The following SLC25A24 variants were observed in gnomAD, a reference collection of about 807,000 sequenced individuals.
SLC25A24 encodes the protein mitochondrial adenyl nucleotide antiporter SLC25A24.
A neutral mutation model predicts 60.7 loss-of-function variants in SLC25A24; 49 were observed. That is an observed-to-expected ratio of 0.81 (90% confidence interval 0.64 to 1.02). SLC25A24 has a LOEUF of 1.02. Ranked by LOEUF, SLC25A24 falls within the 50% of genes least tolerant of loss-of-function variation. SLC25A24 has a pLI of 0.00. For synonymous variants in SLC25A24, 202 were observed against 200.6 expected, an observed-to-expected ratio of 1.01 and a Z score of -0.06; for missense variants, 564 against 586.3, an observed-to-expected ratio of 0.96 and a Z score of 0.39.
At chr1:108,182,858 T>C (rs1647978993) in intron 2 of SLC25A24, among the ~76,000 whole-genome samples, 1 of 151,290 alleles carries the variant, frequency 6.6e-6, no homozygotes, top group East Asian at 1.9e-4. Context: ...AAAATAAAAA[T>C]CTGGCAGTAA....
chr1:108,199,504 A>T, intron 1 of SLC25A24: 1 of 203,060 alleles, frequency 4.9e-6, no homozygotes, highest in East Asian at 1.2e-4. Flanking sequence ...CAGTTTTCAA[A>T]CAGTAGACAA....
Position 108,135,846 on chromosome 1 carries a change from G to C in SLC25A24, c.*807C>G, listed in dbSNP as rs1248292782. 6.6e-6 allele frequency: 1 copy of C among 152,558 alleles called. No individual in the cohort carries two copies. Among genetic ancestry groups the C allele is most frequent in the African/African-American group, 2.4e-5 (1 of 41,444 alleles). The allele number at this position is 152,558 out of a possible 1,614,324, so 9.5% of individuals were successfully genotyped here. A position where few individuals can be genotyped will look rare whatever the true frequency, so the allele number is the denominator to read the frequency against. ...AAAACGGAATCTGATTCAAAAGGTA[G>C]GAAACAAAGGACAAAGGAAAACAAA... On this transcript the variant is annotated 3_prime_UTR_variant, in exon 10 of 10. Coordinates refer to ENST00000565488, the MANE Select transcript of SLC25A24 (RefSeq NM_013386.5).
In SLC25A24 at chr1:108,155,059, G is replaced by C. The variant is rs756120780; in HGVS notation, c.746C>G (p.Ser249Trp). 6 of 1,612,540 alleles carry C rather than the reference G, an allele frequency of 3.7e-6. No homozygotes were observed. The highest frequency in any genetic ancestry group is 5.1e-6 in the Non-Finnish European group (6 of 1,179,148). ...RQMVKEGGIR[S>W]LWRGNGTNVI... is the part of the protein sequence containing the mutation. The stretch of plus-strand genomic sequence containing the variant: ...GTTTGTACCATTTCCCCTCCAAAGC[G>C]AGCGGATACCTCCTTCTTTTACCAT... Residue 249 changes from serine (S) to tryptophan (W), a missense_variant, in exon 6 of 10, where the codon TCG becomes TGG. By Grantham distance (177) the Ser-to-Trp change is radical. Transcript: ENST00000565488.
chr1:108,194,803 T>C (rs606640), intron 1 of SLC25A24, among the ~76,000 whole-genome samples: 37,039 of 152,130 alleles, frequency 0.24, 5,009 homozygotes, highest in African/African-American at 0.33. Context: ...ATTAAATGAA[T>C]GAATTTACTA....
At chr1:108,168,371 C>T (rs1016697837) in intron 3 of SLC25A24, among the ~76,000 whole-genome samples, 2 of 152,076 alleles carry the variant, frequency 1.3e-5, no homozygotes, top group African/African-American at 4.8e-5. Context: ...ACCCCACCAC[C>T]CAACTCCCCA....
Position 108,189,866 on chromosome 1 carries a change from A to T in SLC25A24, c.184-3912T>A, listed in dbSNP as rs556052091. On this transcript the variant is annotated intron_variant, in intron 1 of 9. Transcript: ENST00000565488. Reference sequence around the variant, plus strand: ...ATTAAAGATAAAGTAAAAAAAAATTAAAAAATATATATATATATGTATATA... The same window carrying T: ...ATTAAAGATAAAGTAAAAAAAAATTTAAAAATATATATATATATGTATATA... 1.6e-3 allele frequency among the ~76,000 whole-genome samples: 133 copies of T among 82,096 alleles called. 1 individual carries two copies. The highest frequency in any genetic ancestry group is 8.6e-3 in the African/African-American group (118 of 13,738). 53.9% of individuals were successfully genotyped at this position (82,096 alleles called of 152,430 possible).
chr1:108,151,573 G>A (rs1406616154), intron 6 of SLC25A24, among the ~76,000 whole-genome samples: 1 of 152,066 alleles, frequency 6.6e-6, no homozygotes, highest in Non-Finnish European at 1.5e-5. Context: ...CATCCCTCGA[G>A]CTATTTCTTC....
chr1:108,138,935 G>A (rs1433265241), intron 9 of SLC25A24, 123 bp downstream of exon 9: 1 of 1,006,802 alleles, frequency 9.9e-7, no homozygotes, highest in African/African-American at 1.6e-5. Flanking sequence ...AGGCAATAAT[G>A]AAAAAAAGGT....
chr1:108,195,625 C>T (rs1648471239), intron 1 of SLC25A24, among the ~76,000 whole-genome samples: 1 of 152,070 alleles, frequency 6.6e-6, no homozygotes, highest in African/African-American at 2.4e-5. Flanking sequence ...TGTTGTGATG[C>T]CCTAAAATTC....
intron 6 of SLC25A24, among the ~76,000 whole-genome samples, chr1:108,154,683 T>C (rs1304093477): frequency 1.3e-5 from 2 of 152,224 alleles, no homozygotes; most frequent in South Asian, 2.1e-4. Context: ...CTTATGTTAG[T>C]GTGCTGCTTC....
intron 3 of SLC25A24, among the ~76,000 whole-genome samples, chr1:108,165,545 T>C (rs545948942): frequency 1.3e-4 from 20 of 152,324 alleles, no homozygotes; most frequent in African/African-American, 4.3e-4. Context: ...TACCATTATG[T>C]AATGGCCTTC....
chr1:108,185,848 C>A lies in SLC25A24; in HGVS notation c.290G>T (p.Ser97Ile), dbSNP rs1392041479. The A allele has an allele frequency of 1.3e-6, 2 of 1,588,944 alleles. No homozygotes were observed. The highest frequency in any genetic ancestry group is 2.3e-5 in the East Asian group (1 of 44,386). ...CACACCATCATTATTTTTGTCTAAA[C>A]TCTTAAATGCCAATTTCATTTTCTT... ...HEKKMKLAFKSLDKNNDGKIE... is the reference protein window; with the variant it reads ...HEKKMKLAFKILDKNNDGKIE... Residue 97 changes from serine to isoleucine, a missense_variant, in exon 2 of 10, where the codon AGT becomes ATT. Physicochemically the swap from Ser to Ile is moderately radical, Grantham distance 142. Coordinates refer to ENST00000565488, the MANE Select transcript of SLC25A24 (RefSeq NM_013386.5).
intron 8 of SLC25A24, among the ~76,000 whole-genome samples, chr1:108,142,356 T>C (rs1679465573): frequency 6.6e-6 from 1 of 152,160 alleles, no homozygotes; most frequent in Non-Finnish European, 1.5e-5. Flanking sequence ...GTTGGAAAAG[T>C]AGAAATAATC....
chr1:108,163,993 T>C (rs1016704924), intron 3 of SLC25A24, among the ~76,000 whole-genome samples: 7 of 152,256 alleles, frequency 4.6e-5, no homozygotes, highest in Admixed American at 1.3e-4. Flanking sequence ...TGAAAGTTTT[T>C]AGCATGAAGT....
intron 1 of SLC25A24, among the ~76,000 whole-genome samples, chr1:108,196,697 G>T (rs1446235238): frequency 3.3e-5 from 5 of 152,170 alleles, no homozygotes; most frequent in African/African-American, 1.2e-4. Flanking sequence ...CCACTTTCCG[G>T]TTCCATGGAC....
At chr1:108,193,718 GTTT>G (rs1200463155) in intron 1 of SLC25A24, among the ~76,000 whole-genome samples, 1 of 140,090 alleles carries the variant, frequency 7.1e-6, no homozygotes, top group African/African-American at 2.5e-5. Flanking sequence ...TCCCCTCACA[GTTT>G]TTTATCTTTT....
intron 1 of SLC25A24, chr1:108,199,633 T>C (rs184150381): frequency 5.5e-4 from 272 of 495,384 alleles, no homozygotes; most frequent in Admixed American, 1.9e-3. Flanking sequence ...TGCAAGGTAT[T>C]AAAACAGAAA....
intron 6 of SLC25A24, among the ~76,000 whole-genome samples, chr1:108,153,175 C>T (rs1013971419): frequency 1.3e-5 from 2 of 152,166 alleles, no homozygotes; most frequent in African/African-American, 4.8e-5. Flanking sequence ...CACTACCCCA[C>T]ACTATTACAC....
intron 7 of SLC25A24, among the ~76,000 whole-genome samples, chr1:108,145,225 A>C (rs1679553034): frequency 6.6e-6 from 1 of 152,168 alleles, no homozygotes; most frequent in South Asian, 2.1e-4. Context: ...TCTTATGAGA[A>C]GTGTCTGTTC....
Sources: gnomAD v4.1 joint callset for allele counts (sites outside exome capture counted in the v4.1 genomes callset) on GRCh38, gnomAD v4.1.1 for gene constraint, MANE v1.5 for transcripts, NCBI Gene and HGNC (gene_info 2026-07-23, HGNC 2026-07-21) for gene names.